The following MADD variants were observed in gnomAD, a reference collection of about 807,000 sequenced individuals.
The protein encoded by MADD is MAP kinase-activating death domain protein.
A neutral mutation model predicts 176.7 loss-of-function variants in MADD; 109 were observed. The ratio of observed to expected loss-of-function variants is 0.62; its 90% confidence interval spans 0.53 to 0.72. The LOEUF is 0.72. Ranked by LOEUF, MADD falls within the 30% of genes least tolerant of loss-of-function variation. The pLI, the probability that MADD is intolerant of heterozygous loss-of-function variation, is 0.00. For synonymous variants in MADD, 771 were observed against 771.3 expected, an observed-to-expected ratio of 1.00 and a Z score of 0.01; for missense variants, 1,914 against 2,045.5, an observed-to-expected ratio of 0.94 and a Z score of 1.24.
chr11:47,313,822 C>A lies in MADD; in HGVS notation c.4090-1398C>A, dbSNP rs538246101. ...TCACCCGGGCTGGAGTGCAGCGGCG[C>A]GATCTCGGCTCACTACAACCTCCGC... On this transcript the variant is annotated intron_variant, in intron 26 of 32. Transcript: ENST00000402192. 3.4e-4 allele frequency among the ~76,000 whole-genome samples: 51 copies of A among 151,838 alleles called. No homozygotes were observed. The Middle Eastern group carries it at 0.014, about 41-fold the overall frequency.
exon 33 of MADD, chr11:47,329,487 C>T (rs965751065): frequency 3.8e-6 from 1 of 264,968 alleles, no homozygotes; most frequent in Non-Finnish European, 7.4e-6. Context: ...TATAACTGTC[C>T]ACTGCAAGAG....
chr11:47,326,991 G>A, intron 31 of MADD, 184 bp downstream of exon 35: 1 of 1,368,780 alleles, frequency 7.3e-7, no homozygotes, highest in Non-Finnish European at 9.4e-7. Context: ...GGGAAAGATA[G>A]ATAATGGATC....
intron 18 of MADD, 106 bp downstream of exon 19, chr11:47,290,405 C>T: frequency 7.0e-7 from 1 of 1,438,720 alleles, no homozygotes; most frequent in East Asian, 2.4e-5. Flanking sequence ...TGCCACGCTG[C>T]TTCCCATTAG....
intron 27 of MADD, among the ~76,000 whole-genome samples, chr11:47,318,577 C>T (rs2093692203): frequency 6.6e-6 from 1 of 152,116 alleles, no homozygotes; most frequent in African/African-American, 2.4e-5. Context: ...CTTACTCTCA[C>T]CACCGTACAA....
At position 47,283,428 on chromosome 11, in the gene MADD, T is replaced by C. The variant is rs2058464759; in HGVS notation, c.1862+459T>C. 1.3e-5 allele frequency among the ~76,000 whole-genome samples: 2 copies of C among 151,584 alleles called. 1 individual carries two copies. The highest frequency in any genetic ancestry group is 4.2e-4 in the South Asian group (2 of 4,800). On this transcript the variant is annotated intron_variant, in intron 10 of 32. Transcript: ENST00000402192. ...ATTTTTGTATGTATGTGACAGAGTC[T>C]TGCTGCTCTGTCACGCGGTCTGGAG... is the stretch of plus-strand genomic sequence containing the variant.
chr11:47,317,774 C>CT (rs11305920), intron 27 of MADD, among the ~76,000 whole-genome samples: 2,706 of 145,768 alleles, frequency 0.019, 84 homozygotes, highest in African/African-American at 0.061. Flanking sequence ...TTGTATATAA[C>CT]TTTTTTTTTT....
At chr11:47,289,595 G>A (rs2063504735) in intron 16 of MADD, 102 bp downstream of exon 17, 1 of 961,350 alleles carries the variant, frequency 1.0e-6, no homozygotes, top group African/African-American at 1.6e-5. Context: ...AGCTCTCAAT[G>A]GGGTAGATGT....
rs573847924 is a variant in MADD, at chr11:47,328,508, G to A, written c.4613-150G>A. On this transcript the variant is annotated intron_variant, in intron 31 of 32. Coordinates refer to ENST00000402192, the Ensembl canonical transcript of MADD. ...CTGGACAGAGCCTCTGGTGGCCTCT[G>A]CCCTGTCATAGCCTAAGCTGCTGCA... The A allele has an allele frequency of 6.0e-6, 9 of 1,504,268 alleles. 1 individual carries two copies. The South Asian group carries it at 1.1e-4, about 18-fold the overall frequency. 93.2% of individuals were successfully genotyped at this position (1,504,268 alleles called of 1,614,324 possible). A position where few individuals can be genotyped will look rare whatever the true frequency, so the allele number is the denominator to read the frequency against.
chr11:47,297,620 G>A (rs1194921501), intron 22 of MADD, among the ~76,000 whole-genome samples: 1 of 151,070 alleles, frequency 6.6e-6, no homozygotes, highest in Non-Finnish European at 1.5e-5. Context: ...CTAATTTTTT[G>A]TATTTTTAGT....
chr11:47,287,590 A>G (rs562082868), intron 15 of MADD, among the ~76,000 whole-genome samples: 2 of 151,920 alleles, frequency 1.3e-5, no homozygotes, highest in South Asian at 4.2e-4. Context: ...TTGTATTTTT[A>G]GTAGAGACGG....
intron 14 of MADD, 151 bp downstream of exon 14, chr11:47,285,741 G>T: frequency 9.6e-7 from 1 of 1,039,344 alleles, no homozygotes; most frequent in South Asian, 1.5e-5. Context: ...ACTGAATAAG[G>T]CGTTTTCAAG....
At chr11:47,299,439 G>A (rs1214797603) in intron 22 of MADD, among the ~76,000 whole-genome samples, 3 of 151,696 alleles carry the variant, frequency 2.0e-5, no homozygotes, top group Middle Eastern at 3.4e-3. Context: ...TGTGGCTATC[G>A]TAAATGAGAT....
chr11:47,290,037 A>G, exon 17 of MADD: 1 of 1,614,194 alleles, frequency 6.2e-7, no homozygotes, highest in Non-Finnish European at 8.5e-7. Context: ...GCCCGGCAGG[A>G]CATCATCCCG....
chr11:47,328,863 T>C (rs962054123), intron 32 of MADD, among the ~76,000 whole-genome samples, 159 bp downstream of exon 36: 4 of 152,138 alleles, frequency 2.6e-5, no homozygotes, highest in African/African-American at 9.7e-5. Context: ...TCTTGAGCCC[T>C]GAGAGACAGA....
At chr11:47,327,422 T>A in intron 31 of MADD, 2 of 985,430 alleles carry the variant, frequency 2.0e-6, no homozygotes, top group Non-Finnish European at 2.4e-6. Flanking sequence ...ATCGCTGCTA[T>A]GAAAACCTTC....
chr11:47,322,164 C>T (rs1242137797), intron 27 of MADD, among the ~76,000 whole-genome samples: 1 of 152,154 alleles, frequency 6.6e-6, no homozygotes, highest in East Asian at 1.9e-4. Flanking sequence ...CTATCCCCAT[C>T]TTACCTGTGA....
In MADD at chr11:47,273,879, T is replaced by C. The variant is rs41313491; in HGVS notation, c.-36T>C. 2.0e-5 allele frequency: 32 copies of C among 1,595,296 alleles called. No individual in the cohort carries two copies. The highest frequency in any genetic ancestry group is 2.8e-5 in the Non-Finnish European group (32 of 1,162,942). On this transcript the variant is annotated 5_prime_UTR_variant, in exon 2 of 33. The change abolishes the stop of an existing upstream ORF in the 5' untranslated region. Transcript: ENST00000402192. The stretch of plus-strand genomic sequence containing the variant: ...AATGCTGACTCCTTGCTTGGTGCCC[T>C]GATGCTTCTCTGAGATAAACTGATG...
chr11:47,296,173 A>G, intron 22 of MADD, 118 bp downstream of exon 24: 2 of 1,191,102 alleles, frequency 1.7e-6, no homozygotes, highest in Non-Finnish European at 2.4e-6. Flanking sequence ...GGAAGAGGTA[A>G]TCTTCTTATA....
At chr11:47,329,768 A>C (rs1355159316) in exon 33 of MADD, 1 of 154,234 alleles carries the variant, frequency 6.5e-6, no homozygotes, top group Non-Finnish European at 1.4e-5. Context: ...GTGGCCTGCC[A>C]TGCCTTCGGC....
Sources: gnomAD v4.1 joint callset for allele counts (sites outside exome capture counted in the v4.1 genomes callset) on GRCh38, gnomAD v4.1.1 for gene constraint, MANE v1.5 for transcripts, NCBI Gene and HGNC (gene_info 2026-07-23, HGNC 2026-07-21) for gene names.